GK5: variants seen among roughly 807,000 people sequenced by gnomAD.
GK5 encodes ATP:glycerol 3-phosphotransferase 5.
A neutral mutation model predicts 77.3 loss-of-function variants in GK5; 39 were observed. That is an observed-to-expected ratio of 0.50 (90% CI 0.39 to 0.66). The LOEUF (loss-of-function observed/expected upper bound fraction) is 0.66. GK5 is among the 30% of genes least tolerant of loss of function. The probability of loss-of-function intolerance (pLI) is 0.00; values close to 1 mark genes in which losing one functional copy is unlikely to be tolerated. For missense variants in GK5, 487 were observed against 633.8 expected, an observed-to-expected ratio of 0.77 and a Z score of 2.49; for synonymous variants, 211 against 208.0, an observed-to-expected ratio of 1.01 and a Z score of -0.13.
intron 5 of GK5, among the ~76,000 whole-genome samples, chr3:142,196,913 C>T (rs1394532174): frequency 2.6e-5 from 4 of 152,158 alleles, no homozygotes; most frequent in South Asian, 2.1e-4. Context: ...GAGGGTCAAG[C>T]GCGGTGGCTC....
chr3:142,188,275 T>G (rs1313563646), intron 5 of GK5, among the ~76,000 whole-genome samples: 1 of 152,124 alleles, frequency 6.6e-6, no homozygotes, highest in Non-Finnish European at 1.5e-5. Flanking sequence ...CTCACACCTG[T>G]AATCCCAGCA....
At chr3:142,184,828 G>A (rs2063746950) in intron 9 of GK5, 1 of 981,262 alleles carries the variant, frequency 1.0e-6, no homozygotes, top group African/African-American at 1.8e-5. Flanking sequence ...GGAGACAAGA[G>A]TGAAACTCCA....
intron 2 of GK5, 41 bp downstream of exon 2, chr3:142,215,558 A>G: frequency 9.1e-7 from 1 of 1,101,964 alleles, no homozygotes; most frequent in Non-Finnish European, 1.3e-6. Flanking sequence ...TTACAAAAAA[A>G]AAACCATAAA....
intron 1 of GK5, among the ~76,000 whole-genome samples, chr3:142,224,492 A>G (rs2064400245): frequency 6.6e-6 from 1 of 152,260 alleles, no homozygotes; most frequent in East Asian, 1.9e-4. Context: ...GTATAAATCA[A>G]CACTTCATTA....
At chr3:142,213,076 C>T (rs1302234490) in intron 3 of GK5, among the ~76,000 whole-genome samples, 14 of 151,890 alleles carry the variant, frequency 9.2e-5, no homozygotes, top group Admixed American at 8.5e-4. Context: ...CCTCGTGATC[C>T]GCCCACCTCG....
chr3:142,214,618 T>C (rs896762287), intron 2 of GK5, among the ~76,000 whole-genome samples: 1 of 152,220 alleles, frequency 6.6e-6, no homozygotes, highest in African/African-American at 2.4e-5. Flanking sequence ...TTTTGAAAAT[T>C]GCCAATGTCA....
At chr3:142,189,266 G>A (rs754555309) in intron 5 of GK5, among the ~76,000 whole-genome samples, 1 of 151,942 alleles carries the variant, frequency 6.6e-6, no homozygotes, top group Non-Finnish European at 1.5e-5. Flanking sequence ...AAAAGCAAAT[G>A]GAAACATTTA....
At chr3:142,213,164 C>A (rs112149072) in intron 3 of GK5, among the ~76,000 whole-genome samples, 1,562 of 152,252 alleles carry the variant, frequency 0.01, 32 homozygotes, top group African/African-American at 0.035. Context: ...TTAGAGTAGA[C>A]TGAAAATATA....
Position 142,163,117 on chromosome 3 carries a change from T to C in GK5, c.*2505A>G, listed in dbSNP as rs1418151966. ...TTTTAGTTAAGTCCAAAAATATTTA[T>C]TAAAGTCTTATCACTAAAAATGGCC... On this transcript the variant is annotated 3_prime_UTR_variant, in exon 16 of 16. Coordinates refer to ENST00000392993, the MANE Select transcript of GK5 (RefSeq NM_001039547.3). 1 of 152,078 alleles carries C rather than the reference T, an allele frequency of 6.6e-6. No individual in the cohort carries two copies. The highest frequency in any genetic ancestry group is 1.9e-4 in the East Asian group (1 of 5,200). 9.4% of individuals were successfully genotyped at this position (152,078 alleles called of 1,614,324 possible). A position where few individuals can be genotyped will look rare whatever the true frequency, so the allele number is the denominator to read the frequency against.
At chr3:142,202,958 T>A in intron 4 of GK5, among the ~76,000 whole-genome samples, 1 of 152,136 alleles carries the variant, frequency 6.6e-6, no homozygotes, top group South Asian at 2.1e-4. Flanking sequence ...ATGAGACATA[T>A]TACAGAAGTA....
At chr3:142,190,647 T>C (rs538176016) in intron 5 of GK5, among the ~76,000 whole-genome samples, 7 of 152,268 alleles carry the variant, frequency 4.6e-5, no homozygotes, top group African/African-American at 1.4e-4. Context: ...TAACCATTCA[T>C]AATAAAAAGT....
At chr3:142,194,455 C>T (rs934355946) in intron 5 of GK5, among the ~76,000 whole-genome samples, 5 of 151,056 alleles carry the variant, frequency 3.3e-5, no homozygotes, top group African/African-American at 7.3e-5. Context: ...GAGCCTGGGA[C>T]GCAGAGGTTA....
At chr3:142,182,901 AG>A in intron 10 of GK5, 21 bp downstream of exon 10, 1 of 1,554,768 alleles carries the variant, frequency 6.4e-7, no homozygotes, top group South Asian at 1.1e-5. Context: ...ATTAATAAAT[AG>A]GATAAATCCT....
Position 142,225,440 on chromosome 3 carries a change from T to C in GK5, c.16A>G (p.Thr6Ala). 1.9e-6 allele frequency: 3 copies of C among 1,603,282 alleles called. No homozygotes were observed. The highest frequency in any genetic ancestry group is 1.7e-5 in the Admixed American group (1 of 59,638). Residue 6 changes from threonine (T) to alanine (A), a missense_variant, in exon 1 of 16, where the codon ACG (threonine) becomes GCG (alanine). Around this residue, in one of 4 missense-constraint regions of GK5, gnomAD observed 97 missense variants for 86.9 expected, o/e 1.12. Transcript: ENST00000392993. ...TCCTGCGCTCTCTGCTCCGGGTCCG[T>C]GAGCAGCCCCGACATCCCGATCCCG... MSGLLTDPEQRAQEPR... is the reference protein window; with the variant it reads MSGLLADPEQRAQEPR...
At chr3:142,177,597 C>A in intron 11 of GK5, 21 bp from the exon 12 acceptor site, 1 of 1,463,122 alleles carries the variant, frequency 6.8e-7, no homozygotes, top group Admixed American at 1.8e-5. Context: ...AAACAAACAA[C>A]AAAAAACCCT....
At chr3:142,215,454 C>T (rs1457348407) in intron 2 of GK5, 145 bp downstream of exon 2, 3 of 489,694 alleles carry the variant, frequency 6.1e-6, no homozygotes, top group South Asian at 3.8e-5. Flanking sequence ...TACAAATTTC[C>T]GTTGAAAAAT....
In GK5 at chr3:142,225,410, G is replaced by A. The variant is rs200163339; in HGVS notation, c.46C>T (p.Arg16Trp). 4.6e-5 allele frequency: 74 copies of A among 1,600,470 alleles called. No individual in the cohort carries two copies. Among genetic ancestry groups the A allele is most frequent in the Non-Finnish European group, 1.4e-5 (17 of 1,176,168 alleles). The part of the protein sequence containing the change: ...TDPEQRAQEP[R>W]YPGFVLGLDV... ...AGCCCCAGCACGAAGCCGGGGTACC[G>A]CGGCTCCTGCGCTCTCTGCTCCGGG... Residue 16 changes from arginine (R) to tryptophan (W), a missense_variant, in exon 1 of 16, where the codon CGG (arginine) becomes TGG (tryptophan). Physicochemically the swap from Arg to Trp is moderately radical, Grantham distance 101 (BLOSUM62 -3). Coordinates refer to ENST00000392993, the MANE Select transcript of GK5 (RefSeq NM_001039547.3).
Position 142,162,995 on chromosome 3 carries a change from CA to C in GK5, c.*2626del, listed in dbSNP as rs58034877. 31,918 of 93,600 alleles carry C rather than the reference CA, an allele frequency of 0.34. 3,319 individuals carry two copies. The highest frequency in any genetic ancestry group is 0.37 in the African/African-American group (10,046 of 26,974). The allele number at this position is 93,600 out of a possible 1,614,324, so 5.8% of individuals were successfully genotyped here. A position where few individuals can be genotyped will look rare whatever the true frequency, so the allele number is the denominator to read the frequency against. On this transcript the variant is annotated 3_prime_UTR_variant, in exon 16 of 16. Coordinates refer to ENST00000392993, the MANE Select transcript of GK5 (RefSeq NM_001039547.3). ...TGGGCAACAGAGCATGACAATGTCTCAAAAAAAAAAAAAAAAAAGAAAGGAC... is the reference window on the plus strand; with the variant it reads ...TGGGCAACAGAGCATGACAATGTCTCAAAAAAAAAAAAAAAAAGAAAGGAC...
intron 13 of GK5, among the ~76,000 whole-genome samples, chr3:142,171,860 T>C (rs2063543967): frequency 6.6e-6 from 1 of 152,156 alleles, no homozygotes; most frequent in Admixed American, 6.5e-5. Flanking sequence ...TACTTTGTAA[T>C]CACAGAAAAT....
Sources: allele counts gnomAD v4.1 joint callset (sites outside exome capture counted in the v4.1 genomes callset), GRCh38; gene constraint gnomAD v4.1.1; regional missense constraint gnomAD v4.1.1; transcripts MANE v1.5; gene names NCBI Gene and HGNC (gene_info 2026-07-23, HGNC 2026-07-21).